Variants in ZC3H12B observed in about 807,000 individuals in gnomAD.
The protein encoded by ZC3H12B is probable ribonuclease ZC3H12B.
ZC3H12B carries 7 observed loss-of-function variants against 43.9 expected under a neutral mutation model. That is an observed-to-expected ratio of 0.16 (90% confidence interval 0.09 to 0.30). The LOEUF (loss-of-function observed/expected upper bound fraction) is 0.30, where lower values mean the gene tolerates loss of function less well. Ranked by LOEUF, ZC3H12B falls within the 10% of genes least tolerant of loss-of-function variation. The probability of loss-of-function intolerance (pLI) is 1.00; values close to 1 mark genes in which losing one functional copy is unlikely to be tolerated. For missense variants in ZC3H12B, 475 were observed against 670.2 expected (o/e 0.71, Z 3.22); for synonymous variants, 222 against 241.7 (o/e 0.92, Z 0.76).
chrX:65,415,773 C>T (rs1028817253), intron 3 of ZC3H12B, among the ~76,000 whole-genome samples: 2 of 111,936 alleles, frequency 1.8e-5, no homozygotes, highest in African/African-American at 6.5e-5. Context: ...AGTTTAAATA[C>T]TTATCCTCTA....
the ZC3H12B span, among the ~76,000 whole-genome samples, chrX:65,287,942 G>A: frequency 9.4e-4 from 100 of 106,798 alleles, no homozygotes; most frequent in African/African-American, 3.4e-3. Context: ...AGCAAAATCA[G>A]AAGTGAAAAA....
the ZC3H12B span, among the ~76,000 whole-genome samples, chrX:65,312,985 G>T: frequency 8.9e-6 from 1 of 111,794 alleles, no homozygotes; most frequent in Non-Finnish European, 1.9e-5. Flanking sequence ...GGGTTCAAGT[G>T]ATTCTCCTGC....
At chrX:65,192,816 A>G in the ZC3H12B span, among the ~76,000 whole-genome samples, 1 of 108,823 alleles carries the variant, frequency 9.2e-6, no homozygotes, top group Admixed American at 9.7e-5. Context: ...TGTTTTTGAG[A>G]TGGAGTCTCG....
chrX:65,457,449 T>C (rs1225958634), intron 3 of ZC3H12B, among the ~76,000 whole-genome samples: 1 of 77,760 alleles, frequency 1.3e-5, no homozygotes, highest in Non-Finnish European at 2.3e-5. Flanking sequence ...GGTGGGGGGG[T>C]CAGCCCCCCG....
the ZC3H12B span, among the ~76,000 whole-genome samples, chrX:65,119,630 T>C: frequency 8.9e-6 from 1 of 111,886 alleles, no homozygotes; most frequent in African/African-American, 3.3e-5. Flanking sequence ...TCTTTTGCAG[T>C]GCACAATCTC....
At chrX:65,263,669 T>C in the ZC3H12B span, among the ~76,000 whole-genome samples, 1 of 111,329 alleles carries the variant, frequency 9.0e-6, no homozygotes, top group Non-Finnish European at 1.9e-5. Flanking sequence ...GATAGCAAGA[T>C]ATTACAGGGA....
chrX:65,401,360 G>T (rs771914086), intron 3 of ZC3H12B, among the ~76,000 whole-genome samples: 3 of 111,730 alleles, frequency 2.7e-5, no homozygotes, highest in African/African-American at 6.5e-5. Flanking sequence ...CCTGATGCAT[G>T]TCGAGCTAAT....
At chrX:65,207,549 G>T in the ZC3H12B span, among the ~76,000 whole-genome samples, 18 of 110,756 alleles carry the variant, frequency 1.6e-4, no homozygotes, top group East Asian at 5.1e-3. Flanking sequence ...CTGCTGGGGT[G>T]ATGGGTGCAC....
intron 2 of ZC3H12B, among the ~76,000 whole-genome samples, chrX:65,381,032 T>C (rs7877901): frequency 0.082 from 9,151 of 110,939 alleles, 1,030 homozygotes; most frequent in African/African-American, 0.29. Flanking sequence ...ACTGTCAACA[T>C]TGACAGATCA....
chrX:65,332,413 G>T, the ZC3H12B span, among the ~76,000 whole-genome samples: 1 of 111,793 alleles, frequency 8.9e-6, no homozygotes, highest in Admixed American at 9.5e-5. Flanking sequence ...AGCTTATCTT[G>T]TGTTCCTACA....
intron 3 of ZC3H12B, among the ~76,000 whole-genome samples, chrX:65,470,898 G>T (rs1383397838): frequency 4.5e-5 from 5 of 112,084 alleles, no homozygotes; most frequent in Admixed American, 3.8e-4. Context: ...GAAGATACTT[G>T]ATATGATTTT....
the ZC3H12B span, among the ~76,000 whole-genome samples, chrX:65,336,956 CT>C: frequency 2.7e-5 from 3 of 112,381 alleles, no homozygotes; most frequent in Non-Finnish European, 5.6e-5. Context: ...GCCAAACCCA[CT>C]CTTAGCCAAA....
chrX:65,307,073 A>G, the ZC3H12B span, among the ~76,000 whole-genome samples: 1 of 112,696 alleles, frequency 8.9e-6, no homozygotes, highest in Non-Finnish European at 1.9e-5. Flanking sequence ...AGATATACTC[A>G]TCTTCTTGCT....
At chrX:65,318,634 C>T in the ZC3H12B span, among the ~76,000 whole-genome samples, 1 of 110,737 alleles carries the variant, frequency 9.0e-6, no homozygotes, top group Non-Finnish European at 1.9e-5. Context: ...TGACCAGGCT[C>T]GTCTTGAACT....
At chrX:65,472,443 T>C (rs1289125246) in intron 3 of ZC3H12B, among the ~76,000 whole-genome samples, 2 of 110,079 alleles carry the variant, frequency 1.8e-5, no homozygotes, top group African/African-American at 6.6e-5. Flanking sequence ...GTAATCCCAT[T>C]TGTCTACTTT....
the ZC3H12B span, among the ~76,000 whole-genome samples, chrX:65,120,948 A>T: frequency 9.0e-6 from 1 of 111,618 alleles, no homozygotes; most frequent in African/African-American, 3.3e-5. Flanking sequence ...ATGCTGGATT[A>T]TGTTTATTGA....
chrX:65,453,711 A>T (rs73520203), intron 3 of ZC3H12B, among the ~76,000 whole-genome samples: 8,927 of 109,062 alleles, frequency 0.082, 1,025 homozygotes, highest in African/African-American at 0.29. Flanking sequence ...CCTAGGTGAC[A>T]GAGTGAGACC....
chrX:65,226,273 G>T, the ZC3H12B span, among the ~76,000 whole-genome samples: 1 of 111,194 alleles, frequency 9.0e-6, no homozygotes, highest in African/African-American at 3.3e-5. Context: ...GCCAAACTAA[G>T]CTTCATAAGT....
At chrX:65,246,515 A>G in the ZC3H12B span, among the ~76,000 whole-genome samples, 1 of 112,130 alleles carries the variant, frequency 8.9e-6, no homozygotes, top group African/African-American at 3.2e-5. Context: ...AATCTATACT[A>G]CAATGCTACA....
Sources: allele counts gnomAD v4.1 joint callset (sites outside exome capture counted in the v4.1 genomes callset), GRCh38; gene constraint gnomAD v4.1.1; transcripts MANE v1.5; gene names NCBI Gene and HGNC (gene_info 2026-07-23, HGNC 2026-07-21).